The following DNAJC17 variants were observed in gnomAD, a reference collection of about 807,000 sequenced individuals.
DNAJC17 encodes the protein DnaJ heat shock protein family (Hsp40) member C17.
In DNAJC17, 35 loss-of-function variants were observed where a neutral mutation model predicts 48.1. The ratio of observed to expected loss-of-function variants is 0.73; its 90% confidence interval spans 0.56 to 0.96. The LOEUF is 0.96. Ranked by LOEUF, DNAJC17 falls within the 50% of genes least tolerant of loss-of-function variation. DNAJC17 has a pLI of 0.00. For missense variants in DNAJC17, 355 were observed against 377.1 expected, an observed-to-expected ratio of 0.94 and a Z score of 0.48; for synonymous variants, 117 against 142.7, an observed-to-expected ratio of 0.82 and a Z score of 1.28.
intron 1 of DNAJC17, among the ~76,000 whole-genome samples, chr15:40,801,130 T>C (rs1890063793): frequency 6.6e-6 from 1 of 152,278 alleles, no homozygotes; most frequent in Non-Finnish European, 1.5e-5. Context: ...ACTTCATTCA[T>C]TCAACAAATA....
intron 1 of DNAJC17, among the ~76,000 whole-genome samples, chr15:40,783,650 G>C (rs1490144150): frequency 6.6e-6 from 1 of 152,174 alleles, no homozygotes. Context: ...GATCACTTGA[G>C]GTCTGGAGTT....
intron 10 of DNAJC17, chr15:40,771,156 G>T: frequency 1.2e-6 from 1 of 841,890 alleles, no homozygotes; most frequent in Non-Finnish European, 1.8e-6. Flanking sequence ...CCTGGGGGAG[G>T]ATTCCAGGAT....
At chr15:40,774,321 C>A in intron 9 of DNAJC17, 35 bp downstream of exon 9, 1 of 1,611,822 alleles carries the variant, frequency 6.2e-7, no homozygotes, top group Non-Finnish European at 8.5e-7. Flanking sequence ...AATGACAGGG[C>A]CACGAGGGGC....
intron 4 of DNAJC17, among the ~76,000 whole-genome samples, chr15:40,778,332 C>A (rs985722282): frequency 3.9e-5 from 6 of 152,132 alleles, no homozygotes; most frequent in African/African-American, 1.4e-4. Flanking sequence ...CAGCTCACTG[C>A]AACCTCTGCC....
chr15:40,797,761 G>A (rs1441552720), intron 1 of DNAJC17, among the ~76,000 whole-genome samples: 1 of 119,090 alleles, frequency 8.4e-6, no homozygotes, highest in African/African-American at 3.3e-5. Context: ...TTGCTCTATC[G>A]CCCAGGCTGG....
intron 1 of DNAJC17, among the ~76,000 whole-genome samples, chr15:40,798,609 T>G (rs964256672): frequency 3.3e-5 from 5 of 152,164 alleles, no homozygotes; most frequent in African/African-American, 4.8e-5. Flanking sequence ...GCAGGGAACG[T>G]GCAGGACAGG....
intron 9 of DNAJC17, 89 bp downstream of exon 9, chr15:40,774,267 A>C: frequency 4.9e-6 from 7 of 1,440,694 alleles, no homozygotes; most frequent in Non-Finnish European, 6.8e-6. Context: ...AGGAGTGCAG[A>C]CCACCTAACT....
Position 40,776,200 on chromosome 15 carries a change from C to T in DNAJC17, c.474G>A (p.Leu158=). The T allele has an allele frequency of 6.2e-7, 1 of 1,613,588 alleles. No individual in the cohort carries two copies. The highest frequency in any genetic ancestry group is 8.5e-7 in the Non-Finnish European group (1 of 1,179,992). Residue 158 remains leucine, a synonymous_variant, in exon 6 of 11, where the codon TTG becomes TTA. Coordinates refer to ENST00000220496, the MANE Select transcript of DNAJC17 (RefSeq NM_018163.3). ...GGCGGGGTGATAGACCTGCACCTCTCAACCTCTGGTCACGCTCCTGGCGTA... is the reference window on the plus strand; with the variant it reads ...GGCGGGGTGATAGACCTGCACCTCTTAACCTCTGGTCACGCTCCTGGCGTA... ...EQIRQERDQR[L]RGKAENTEGQ...
chr15:40,774,892 C>T (rs960190977), intron 8 of DNAJC17, 139 bp downstream of exon 8: 28 of 841,880 alleles, frequency 3.3e-5, no homozygotes, highest in Admixed American at 2.2e-4. Flanking sequence ...GTCTCTAAGA[C>T]GTCCCATGGT....
intron 1 of DNAJC17, among the ~76,000 whole-genome samples, chr15:40,782,161 C>T (rs1014863543): frequency 3.3e-5 from 5 of 152,064 alleles, no homozygotes; most frequent in Non-Finnish European, 7.3e-5. Context: ...GAGGTTGAAG[C>T]TGTAGTGAGC....
chr15:40,768,882 C>G (rs1254698479), intron 10 of DNAJC17, among the ~76,000 whole-genome samples: 1 of 152,234 alleles, frequency 6.6e-6, no homozygotes, highest in South Asian at 2.1e-4. Context: ...TGAGTTGGCA[C>G]AGAAGTGAGC....
chr15:40,784,194 C>T (rs1204830356), intron 1 of DNAJC17, among the ~76,000 whole-genome samples: 1 of 150,246 alleles, frequency 6.7e-6, no homozygotes, highest in African/African-American at 2.5e-5. Context: ...CCAGCCTGGG[C>T]GACAAAAATA....
At chr15:40,807,128 G>C in intron 1 of DNAJC17, 1 of 992,106 alleles carries the variant, frequency 1.0e-6, no homozygotes, top group Non-Finnish European at 1.4e-6. Flanking sequence ...AGGAGACAGG[G>C]GCCACGGGGA....
intron 10 of DNAJC17, chr15:40,771,012 C>T (rs1329205253): frequency 6.4e-7 from 1 of 1,550,572 alleles, no homozygotes; most frequent in Admixed American, 2.0e-5. Context: ...TCCTAGCGAG[C>T]CCAGCTTCTA....
intron 1 of DNAJC17, 79 bp from the exon 2 acceptor site, chr15:40,780,076 G>A: frequency 7.2e-7 from 1 of 1,386,496 alleles, no homozygotes; most frequent in Non-Finnish European, 1.0e-6. Context: ...AATGGGTAAG[G>A]GGAATCCCAT....
chr15:40,801,783 A>G (rs1461596513), intron 1 of DNAJC17, among the ~76,000 whole-genome samples: 2 of 151,870 alleles, frequency 1.3e-5, no homozygotes, highest in South Asian at 4.2e-4. Context: ...TCTATTGAGT[A>G]TTTTATTAGA....
At chr15:40,789,464 T>C (rs550248662) in intron 1 of DNAJC17, among the ~76,000 whole-genome samples, 1 of 152,136 alleles carries the variant, frequency 6.6e-6, no homozygotes, top group African/African-American at 2.4e-5. Context: ...CCCTGCTCTC[T>C]GGCCCACCTC....
intron 10 of DNAJC17, chr15:40,772,401 A>G (rs540328555): frequency 6.0e-5 from 10 of 167,314 alleles, no homozygotes; most frequent in African/African-American, 2.2e-4. Flanking sequence ...TCTTGTGTAT[A>G]GGTACCGAGC....
Position 40,770,328 on chromosome 15 carries a change from G to C in DNAJC17, c.793-2266C>G. On this transcript the variant is annotated intron_variant, in intron 10 of 10. Coordinates refer to ENST00000220496, the MANE Select transcript of DNAJC17 (RefSeq NM_018163.3). This position sits in a 1 kb window ranked among gnomAD's most constrained non-coding sequence, Gnocchi z 5.0. ...GGGCAAAAAAGTTCCTTCTTCCTGAGCCCTCCTCTCACCATCCAAGATGTG... is the reference window on the plus strand; with the variant it reads ...GGGCAAAAAAGTTCCTTCTTCCTGACCCCTCCTCTCACCATCCAAGATGTG... The C allele has an allele frequency of 1.5e-6, 1 of 672,000 alleles. No homozygotes were observed. The highest frequency in any genetic ancestry group is 2.5e-6 in the Non-Finnish European group (1 of 406,094). The allele number at this position is 672,000 out of a possible 1,614,324, so 41.6% of individuals were successfully genotyped here.
Sources: allele counts gnomAD v4.1 joint callset (sites outside exome capture counted in the v4.1 genomes callset), GRCh38; gene constraint gnomAD v4.1.1; non-coding constraint Gnocchi (gnomAD v3.1); transcripts MANE v1.5; gene names NCBI Gene and HGNC (gene_info 2026-07-23, HGNC 2026-07-21).